The following TUT4 variants were observed in gnomAD, a reference collection of about 807,000 sequenced individuals.
TUT4 encodes the protein terminal uridylyl transferase 4.
A neutral mutation model predicts 192.2 loss-of-function variants in TUT4; 36 were observed. The observed-to-expected ratio is 0.19, with a 90% confidence interval of 0.14 to 0.25. The LOEUF (loss-of-function observed/expected upper bound fraction) is 0.25. Ranked by LOEUF, TUT4 falls within the 10% of genes least tolerant of loss-of-function variation. The probability of loss-of-function intolerance (pLI) is 1.00; values close to 1 mark genes in which losing one functional copy is unlikely to be tolerated. For missense variants in TUT4, 1,493 were observed against 1,957.2 expected (o/e 0.76, Z 4.47); for synonymous variants, 618 against 666.0 (o/e 0.93, Z 1.11).
At chr1:52,547,292 A>T (rs1340354290) in intron 1 of TUT4, among the ~76,000 whole-genome samples, 2 of 151,614 alleles carry the variant, frequency 1.3e-5, no homozygotes, top group African/African-American at 4.9e-5. Context: ...GCACATGAAG[A>T]GATGCTCAAC....
intron 1 of TUT4, among the ~76,000 whole-genome samples, chr1:52,544,382 C>G (rs1016742947): frequency 1.3e-5 from 2 of 151,676 alleles, no homozygotes; most frequent in South Asian, 2.1e-4. Flanking sequence ...AGAAATAAAC[C>G]CTCACATATG....
chr1:52,488,330 T>C (rs540126965), intron 9 of TUT4, among the ~76,000 whole-genome samples: 1 of 152,316 alleles, frequency 6.6e-6, no homozygotes, highest in Non-Finnish European at 1.5e-5. Flanking sequence ...CTCTCTCTAG[T>C]CATTTGGACT....
intron 20 of TUT4, 27 bp from the exon 21 acceptor site, chr1:52,446,694 T>G (rs1487364630): frequency 6.4e-7 from 1 of 1,565,718 alleles, no homozygotes; most frequent in Admixed American, 1.8e-5. Flanking sequence ...ATTGTATTAT[T>G]AGATTTCAAG....
intron 28 of TUT4, among the ~76,000 whole-genome samples, chr1:52,429,574 A>T (rs911964811): frequency 1.2e-4 from 17 of 142,968 alleles, no homozygotes. Flanking sequence ...ATATATATAT[A>T]CTTTTTTTTA....
chr1:52,497,742 CTT>C (rs1672819584), intron 4 of TUT4, among the ~76,000 whole-genome samples: 1 of 152,132 alleles, frequency 6.6e-6, no homozygotes. Context: ...TATGCAATGA[CTT>C]TTATTAATTA....
At chr1:52,439,188 C>T (rs1053745343) in intron 24 of TUT4, among the ~76,000 whole-genome samples, 3 of 151,900 alleles carry the variant, frequency 2.0e-5, no homozygotes. Context: ...CTATGAATAG[C>T]CACTGCACTC....
chr1:52,530,608 C>T (rs1011028182), intron 1 of TUT4, among the ~76,000 whole-genome samples: 4 of 152,092 alleles, frequency 2.6e-5, no homozygotes, highest in African/African-American at 9.7e-5. Flanking sequence ...CACAAAATTG[C>T]TATTTTCAAT....
chr1:52,528,485 T>C (rs1236335943), intron 1 of TUT4, among the ~76,000 whole-genome samples: 2 of 141,150 alleles, frequency 1.4e-5, no homozygotes, highest in Non-Finnish European at 3.0e-5. Flanking sequence ...AGTGAGACCC[T>C]GTCTCAAAAA....
intron 11 of TUT4, among the ~76,000 whole-genome samples, chr1:52,481,022 G>C (rs1447488892): frequency 6.6e-6 from 1 of 152,146 alleles, no homozygotes; most frequent in Non-Finnish European, 1.5e-5. Flanking sequence ...GCACATAGCA[G>C]GTCCTTAAAA....
rs368471133 is a variant in TUT4 at position 52,425,387 on chromosome 1, T to C, written c.4832A>G (p.Asn1611Ser). 13 of 1,613,772 alleles carry C rather than the reference T, an allele frequency of 8.1e-6. No homozygotes were observed. The African/African-American group carries it at 1.6e-4, about 20-fold the overall frequency. Residue 1611 changes from asparagine (N) to serine (S), a missense_variant, in exon 29 of 30, where the codon AAT becomes AGT. This residue lies in a region of TUT4 where 351 missense variants were observed against 397.8 expected (regional missense o/e 0.88). Coordinates refer to ENST00000257177, the MANE Select transcript of TUT4 (RefSeq NM_001009881.3). ...AGGTTTGTTGGGCTGGAATCGGGCA[T>C]TTCCCTGATGCATGAAGTTTTGATG... ...GLHQNFMHQGNARFQPNKPFY... is the reference protein window; with the variant it reads ...GLHQNFMHQGSARFQPNKPFY...
In TUT4 at chr1:52,475,393, G is replaced by C. The variant is rs1302384574; in HGVS notation, c.2166C>G (p.Phe722Leu). The C allele has an allele frequency of 6.2e-7, 1 of 1,613,916 alleles. No individual in the cohort carries two copies. The highest frequency in any genetic ancestry group is 2.2e-5 in the East Asian group (1 of 44,878). Residue 722 changes from phenylalanine to leucine, a missense_variant, in exon 13 of 30, where the codon TTC (phenylalanine) becomes TTG (leucine). This residue lies in a region of TUT4 where 245 missense variants were observed against 218.4 expected (regional missense o/e 1.12). Coordinates refer to ENST00000257177, the MANE Select transcript of TUT4 (RefSeq NM_001009881.3). ...TTATTTTCCCCTTCTCTCTTTTCTT[G>C]AAATCCACTGTAGACTTATTTCCAC... is the stretch of plus-strand genomic sequence containing the variant. Reference protein sequence around the residue: ...TKGGNKSTVDFKKREKGKISN... With the variant: ...TKGGNKSTVDLKKREKGKISN...
At chr1:52,443,537 C>T (rs573056820) in intron 24 of TUT4, among the ~76,000 whole-genome samples, 7 of 151,960 alleles carry the variant, frequency 4.6e-5, no homozygotes, top group East Asian at 1.9e-4. Flanking sequence ...TGTGGTGAGC[C>T]GAGATCGCGC....
At chr1:52,452,907 C>T (rs567913494) in intron 20 of TUT4, among the ~76,000 whole-genome samples, 2 of 152,232 alleles carry the variant, frequency 1.3e-5, no homozygotes, top group Admixed American at 6.5e-5. Context: ...TGGGGATAGT[C>T]TTGTGGGACT....
intron 28 of TUT4, among the ~76,000 whole-genome samples, chr1:52,428,106 T>C (rs1335474589): frequency 2.0e-5 from 3 of 152,196 alleles, no homozygotes; most frequent in Admixed American, 1.3e-4. Flanking sequence ...GCAACTGTTA[T>C]AAAGGACAGT....
In TUT4 at chr1:52,495,448, T is replaced by A. The variant is rs758995365; in HGVS notation, c.1245A>T (p.Ile415=). ...RFALKSSDVN[I]DIKFPPKMNH... is the part of the protein sequence containing the mutation. The stretch of plus-strand genomic sequence containing the variant: ...TTACCTTGGGAGGAAATTTTATATC[T>A]ATATTAACATCACTACTTTTCAGAG... Residue 415 remains isoleucine (I), a synonymous_variant, in exon 6 of 30, where the codon ATA becomes ATT. Coordinates refer to ENST00000257177, the MANE Select transcript of TUT4 (RefSeq NM_001009881.3). The A allele has an allele frequency of 7.5e-6, 12 of 1,607,252 alleles. No homozygotes were observed. Among genetic ancestry groups the A allele is most frequent in the Non-Finnish European group, 9.4e-6 (11 of 1,175,986 alleles).
chr1:52,463,899 G>T, intron 16 of TUT4: 1 of 780,462 alleles, frequency 1.3e-6, no homozygotes, highest in Non-Finnish European at 1.9e-6. Flanking sequence ...GAAAGCAGTG[G>T]TTAGGTTCTA....
intron 1 of TUT4, among the ~76,000 whole-genome samples, chr1:52,529,406 G>A (rs951384796): frequency 6.6e-6 from 1 of 152,110 alleles, no homozygotes; most frequent in Non-Finnish European, 1.5e-5. Context: ...CAAAACATAT[G>A]ACTATTTCTA....
intron 28 of TUT4, among the ~76,000 whole-genome samples, chr1:52,426,937 A>G (rs1650163639): frequency 6.6e-6 from 1 of 151,982 alleles, no homozygotes; most frequent in Admixed American, 6.5e-5. Context: ...ATATATTTCC[A>G]TTCAGTCCTT....
At chr1:52,439,101 C>G (rs1654720485) in intron 24 of TUT4, among the ~76,000 whole-genome samples, 1 of 150,376 alleles carries the variant, frequency 6.6e-6, no homozygotes, top group Non-Finnish European at 1.5e-5. Flanking sequence ...AGTCTGTAGT[C>G]CCAGCTACTC....
Sources: allele counts gnomAD v4.1 joint callset (sites outside exome capture counted in the v4.1 genomes callset), GRCh38; gene constraint gnomAD v4.1.1; regional missense constraint gnomAD v4.1.1; transcripts MANE v1.5; gene names NCBI Gene and HGNC (gene_info 2026-07-23, HGNC 2026-07-21).